The following AFF1 variants were observed in gnomAD, a reference collection of about 807,000 sequenced individuals.
The protein encoded by AFF1 is AF4/FMR2 family member 1.
A neutral mutation model predicts 121.7 loss-of-function variants in AFF1; 48 were observed. The observed-to-expected ratio is 0.39, with a 90% CI of 0.31 to 0.50. The LOEUF is 0.50. Ranked by LOEUF, AFF1 falls within the 20% of genes least tolerant of loss-of-function variation. The pLI is 0.76. For missense variants in AFF1, 1,523 were observed against 1,511.7 expected (o/e 1.01, Z -0.12); for synonymous variants, 613 against 563.0 (o/e 1.09, Z -1.26).
At chr4:86,995,706 G>C (rs1409215497) in intron 2 of AFF1, among the ~76,000 whole-genome samples, 2 of 151,538 alleles carry the variant, frequency 1.3e-5, no homozygotes, top group Admixed American at 6.6e-5. Flanking sequence ...CCAAAGTGCC[G>C]AGATTGCAGC....
chr4:86,973,268 T>C (rs886729975), intron 2 of AFF1, among the ~76,000 whole-genome samples: 1 of 151,554 alleles, frequency 6.6e-6, no homozygotes, highest in Non-Finnish European at 1.5e-5. Context: ...GAGCTGGAGG[T>C]GGAGAGACCA....
intron 17 of AFF1, among the ~76,000 whole-genome samples, 190 bp from the exon 18 acceptor site, chr4:87,131,603 G>A (rs1395893940): frequency 2.0e-5 from 3 of 152,176 alleles, no homozygotes; most frequent in African/African-American, 7.2e-5. Context: ...CCACACAAGA[G>A]ACGTGTACTC....
In AFF1 at chr4:87,138,999, C is replaced by T; in HGVS notation, c.*3298C>T. 4.4e-6 allele frequency: 1 copy of T among 224,942 alleles called. No homozygotes were observed. The highest frequency in any genetic ancestry group is 8.9e-6 in the Non-Finnish European group (1 of 112,950). 13.9% of individuals were successfully genotyped at this position (224,942 alleles called of 1,614,324 possible). A position where few individuals can be genotyped will look rare whatever the true frequency, so the allele number is the denominator to read the frequency against. On this transcript the variant is annotated 3_prime_UTR_variant, in exon 21 of 21. Coordinates refer to ENST00000395146, the MANE Select transcript of AFF1 (RefSeq NM_001166693.3). Reference sequence around the variant, plus strand: ...AAAACTTGCCTTATTTGGTATCTTACACATTAATGTTACTAGCATCAGGAG... The same window carrying T: ...AAAACTTGCCTTATTTGGTATCTTATACATTAATGTTACTAGCATCAGGAG...
intron 2 of AFF1, among the ~76,000 whole-genome samples, chr4:87,002,371 C>T (rs922448133): frequency 6.7e-6 from 1 of 149,676 alleles, no homozygotes; most frequent in Non-Finnish European, 1.5e-5. Flanking sequence ...GCTGGGATTA[C>T]AGGTGTGAGC....
chr4:87,060,264 T>G (rs1720600267), intron 4 of AFF1, among the ~76,000 whole-genome samples: 1 of 152,198 alleles, frequency 6.6e-6, no homozygotes, highest in African/African-American at 2.4e-5. Flanking sequence ...TCAGATTGTT[T>G]TATGTGCTAT....
chr4:86,970,073 T>TG (rs1722836325), intron 2 of AFF1, among the ~76,000 whole-genome samples: 1 of 151,916 alleles, frequency 6.6e-6, no homozygotes, highest in African/African-American at 2.4e-5. Context: ...ATGAATCTTT[T>TG]GGGGGAATAT....
At chr4:87,060,319 C>A (rs1342199582) in intron 4 of AFF1, among the ~76,000 whole-genome samples, 1 of 152,052 alleles carries the variant, frequency 6.6e-6, no homozygotes, top group Non-Finnish European at 1.5e-5. Context: ...TAGGTGCTTT[C>A]TTTTGTATTA....
At chr4:87,069,961 C>T (rs892547760) in intron 4 of AFF1, among the ~76,000 whole-genome samples, 5 of 151,960 alleles carry the variant, frequency 3.3e-5, no homozygotes, top group African/African-American at 1.2e-4. Context: ...GCTGGGATTA[C>T]AGGCGTGTGC....
intron 2 of AFF1, among the ~76,000 whole-genome samples, chr4:87,035,914 A>G (rs540640704): frequency 6.6e-6 from 1 of 152,340 alleles, no homozygotes; most frequent in African/African-American, 2.4e-5. Flanking sequence ...GGCTGTCATG[A>G]GAGACTTTCA....
intron 2 of AFF1, among the ~76,000 whole-genome samples, chr4:87,029,014 G>A (rs781021709): frequency 1.5e-4 from 23 of 152,164 alleles, no homozygotes; most frequent in Non-Finnish European, 2.6e-4. Context: ...AAATCTGGGG[G>A]TGAGTGAGTG....
chr4:87,012,980 T>G (rs1309017988), intron 2 of AFF1, among the ~76,000 whole-genome samples: 5 of 151,906 alleles, frequency 3.3e-5, no homozygotes, highest in Non-Finnish European at 7.4e-5. Context: ...TTTTCTTGTG[T>G]TAGTTTATTG....
Position 87,115,042 on chromosome 4 carries a change from G to T in AFF1, c.2209G>T (p.Val737Phe), listed in dbSNP as rs973197594. ...TAGTGGCTGCCGCCAAGCCGTGGTGGTCCAGGAGGACAGCCGCAAAGACAG... is the reference window on the plus strand; with the variant it reads ...TAGTGGCTGCCGCCAAGCCGTGGTGTTCCAGGAGGACAGCCGCAAAGACAG... ...RTSGCRQAVV[V>F]QEDSRKDRLP... The change falls in exon 12 of 21, where the codon GTC becomes TTC. Residue 737 changes from valine to phenylalanine, a missense_variant. This residue lies in a region of AFF1 where 905 missense variants were observed against 842.5 expected (regional missense o/e 1.07). Transcript: ENST00000395146. 2 of 1,614,148 alleles carry T rather than the reference G, an allele frequency of 1.2e-6. No individual in the cohort carries two copies. Among genetic ancestry groups the T allele is most frequent in the Non-Finnish European group, 1.7e-6 (2 of 1,180,036 alleles).
rs553596289 is a variant in AFF1, at chr4:87,107,556, A to G, written c.1377-603A>G. Among the ~76,000 whole-genome samples, 30 of 152,322 alleles carry G rather than the reference A, an allele frequency of 2.0e-4. No individual in the cohort carries two copies. In the South Asian group the frequency reaches 6.0e-3, roughly 30 times the overall value. On this transcript the variant is annotated intron_variant, in intron 10 of 20. Transcript: ENST00000395146. ...TGAGTTCACCTTGCAAAGGAACACC[A>G]TTTATATTTAGTGGTCTTTGGCTAC...
Position 87,046,996 on chromosome 4 carries a change from A to G in AFF1, c.461A>G (p.His154Arg). ...QPRTEPMPSL[H>R]AKSCGPPDSQ... ...AGAACTGAACCAATGCCAAGTCTCC[A>G]TGCCAAAAGCTGCGGCCCACCGGAC... Residue 154 changes from histidine (H) to arginine (R), a missense_variant, in exon 4 of 21, where the codon CAT becomes CGT. His to Arg is a conservative substitution (Grantham distance 29). Coordinates refer to ENST00000395146, the MANE Select transcript of AFF1 (RefSeq NM_001166693.3). The G allele has an allele frequency of 6.2e-7, 1 of 1,614,142 alleles. No homozygotes were observed. Among genetic ancestry groups the G allele is most frequent in the Non-Finnish European group, 8.5e-7 (1 of 1,180,018 alleles).
chr4:87,037,980 A>G (rs1729735685), intron 2 of AFF1, among the ~76,000 whole-genome samples: 1 of 128,356 alleles, frequency 7.8e-6, no homozygotes, highest in Non-Finnish European at 1.8e-5. Flanking sequence ...CTTTAAAAAT[A>G]AATACTATAA....
intron 11 of AFF1, among the ~76,000 whole-genome samples, chr4:87,112,613 C>T (rs1726652583): frequency 6.6e-6 from 1 of 152,206 alleles, no homozygotes; most frequent in South Asian, 2.1e-4. Context: ...ACATATTTTG[C>T]ATCATGGATT....
intron 8 of AFF1, among the ~76,000 whole-genome samples, chr4:87,103,194 G>T (rs1725599417): frequency 1.3e-5 from 2 of 152,064 alleles, no homozygotes; most frequent in African/African-American, 2.4e-5. Context: ...TTTTCTTGCT[G>T]CCATTTTCTC....
chr4:86,967,899 A>G (rs1353532636), intron 2 of AFF1, among the ~76,000 whole-genome samples: 4 of 152,232 alleles, frequency 2.6e-5, no homozygotes, highest in Non-Finnish European at 4.4e-5. Flanking sequence ...TTAAGACACA[A>G]TTTATTCAGT....
chr4:86,996,117 C>G (rs552761497), intron 2 of AFF1, among the ~76,000 whole-genome samples: 1 of 151,736 alleles, frequency 6.6e-6, no homozygotes, highest in Admixed American at 6.6e-5. Context: ...GTCAGGCCCC[C>G]GCCCGGCCAG....
Sources: allele counts gnomAD v4.1 joint callset (sites outside exome capture counted in the v4.1 genomes callset), GRCh38; gene constraint gnomAD v4.1.1; regional missense constraint gnomAD v4.1.1; transcripts MANE v1.5; gene names NCBI Gene and HGNC (gene_info 2026-07-23, HGNC 2026-07-21).